ACVR1C: variants seen among roughly 807,000 people sequenced by gnomAD.
ACVR1C encodes the protein activin A receptor type 1C.
Under a neutral mutation model 57.9 loss-of-function variants are expected in ACVR1C, and 23 were observed. The ratio of observed to expected loss-of-function variants is 0.40; its 90% CI spans 0.29 to 0.56. ACVR1C has a LOEUF of 0.56. Ranked by LOEUF, ACVR1C falls within the 20% of genes least tolerant of loss-of-function variation. The pLI, the probability that ACVR1C is intolerant of heterozygous loss-of-function variation, is 0.50. For synonymous variants in ACVR1C, 214 were observed against 215.3 expected (o/e 0.99, Z 0.05); for missense variants, 480 against 607.9 (o/e 0.79, Z 2.21).
chr2:157,547,814 T>G (rs1377486507), intron 4 of ACVR1C, among the ~76,000 whole-genome samples: 3 of 151,872 alleles, frequency 2.0e-5, no homozygotes, highest in Non-Finnish European at 4.4e-5. Flanking sequence ...AAGAAGCTCT[T>G]TAGTTTAATT....
At chr2:157,554,240 A>AAAGAAAGAAAGAAAGAAAGAAAGGAAGG in intron 3 of ACVR1C, among the ~76,000 whole-genome samples, 1 of 135,278 alleles carries the variant, frequency 7.4e-6, no homozygotes, top group South Asian at 2.3e-4. Flanking sequence ...AGAAAGAAAG[A>AAAGAAAGAAAGAAAGAAAGAAAGGAAGG]AAGAAAGAAA....
At chr2:157,600,312 A>G (rs1682252098) in intron 1 of ACVR1C, among the ~76,000 whole-genome samples, 2 of 152,258 alleles carry the variant, frequency 1.3e-5, no homozygotes, top group African/African-American at 2.4e-5. Context: ...AAAGGAGGAC[A>G]TGGCATACTC....
At chr2:157,590,371 T>C (rs1178811769) in intron 1 of ACVR1C, among the ~76,000 whole-genome samples, 1 of 151,852 alleles carries the variant, frequency 6.6e-6, no homozygotes, top group Non-Finnish European at 1.5e-5. Context: ...TAACTTCAAA[T>C]ACCGATATGG....
At position 157,541,185 on chromosome 2, in the gene ACVR1C, G is replaced by A; in HGVS notation, c.1130C>T (p.Thr377Ile). ...RYMAPEMLDD[T>I]MNVNIFESFK... ...GGACTCAAAGATATTCACATTCATT[G>A]TATCATCAAGCATTTCAGGAGCCAT... Residue 377 changes from threonine to isoleucine, a missense_variant, in exon 7 of 9, where the codon ACA (threonine) becomes ATA (isoleucine). Transcript: ENST00000243349. 1 of 1,613,760 alleles carries A rather than the reference G, an allele frequency of 6.2e-7. No individual in the cohort carries two copies. Among genetic ancestry groups the A allele is most frequent in the Non-Finnish European group, 8.5e-7 (1 of 1,179,880 alleles).
At chr2:157,591,546 C>T (rs1689054882) in intron 1 of ACVR1C, among the ~76,000 whole-genome samples, 1 of 152,006 alleles carries the variant, frequency 6.6e-6, no homozygotes, top group African/African-American at 2.4e-5. Context: ...AAACTTGCTG[C>T]ACTATGGTTA....
chr2:157,592,824 C>A (rs944820417), intron 1 of ACVR1C, among the ~76,000 whole-genome samples: 1 of 152,060 alleles, frequency 6.6e-6, no homozygotes, highest in African/African-American at 2.4e-5. Context: ...AATTATACTA[C>A]AATATTCTGT....
chr2:157,618,065 A>G (rs1225264594), intron 1 of ACVR1C, among the ~76,000 whole-genome samples: 1 of 151,896 alleles, frequency 6.6e-6, no homozygotes, highest in African/African-American at 2.4e-5. Context: ...GAAGAGTACT[A>G]AAAGTGATAA....
Position 157,538,682 on chromosome 2 carries a change from A to G in ACVR1C, c.1247T>C (p.Leu416Ser). 1 of 1,539,312 alleles carries G rather than the reference A, an allele frequency of 6.5e-7. No homozygotes were observed. The highest frequency in any genetic ancestry group is 8.7e-7 in the Non-Finnish European group (1 of 1,145,432). ...TGAAGGCACCATGTCATAATAAGGC[A>G]ATTGGTACTCCTCAACAATTCCTGT... is the stretch of plus-strand genomic sequence containing the variant. ...SVGGIVEEYQ[L>S]PYYDMVPSDP... The change falls in exon 8 of 9, where the codon TTG becomes TCG. Residue 416 changes from leucine to serine, a missense_variant. Coordinates refer to ENST00000243349, the MANE Select transcript of ACVR1C (RefSeq NM_145259.3).
intron 4 of ACVR1C, among the ~76,000 whole-genome samples, chr2:157,548,334 GTGAAAA>G (rs1204635012): frequency 7.1e-6 from 1 of 140,856 alleles, no homozygotes. Flanking sequence ...AATCAATATC[GTGAAAA>G]TGGCCATACT....
intron 7 of ACVR1C, 28 bp from the exon 8 acceptor site, chr2:157,538,731 C>T: frequency 3.5e-6 from 5 of 1,444,908 alleles, no homozygotes; most frequent in South Asian, 1.7e-5. Flanking sequence ...AATAAATTTC[C>T]ATGTGCAAAT....
chr2:157,566,178 TAAATC>T (rs1357895866), intron 2 of ACVR1C, among the ~76,000 whole-genome samples: 1 of 152,206 alleles, frequency 6.6e-6, no homozygotes, highest in Non-Finnish European at 1.5e-5. Context: ...CTTTTTTTCT[TAAATC>T]AACCCTTTAC....
rs1214235951 is a variant in ACVR1C at position 157,542,872 on chromosome 2, AAAG to A, written c.944-13_944-11del. ...GCAATAGCAGGTTTACCTATGAAGC[AAAG>A]AAGAACATATTCATTTTTTTCTTTA... is the stretch of plus-strand genomic sequence containing the variant. On this transcript the variant is annotated splice_polypyrimidine_tract_variant and intron_variant, in intron 5 of 8. Coordinates refer to ENST00000243349, the MANE Select transcript of ACVR1C (RefSeq NM_145259.3). The A allele has an allele frequency of 1.9e-6, 3 of 1,612,590 alleles. No individual in the cohort carries two copies. The highest frequency in any genetic ancestry group is 2.5e-6 in the Non-Finnish European group (3 of 1,179,372).
intron 7 of ACVR1C, among the ~76,000 whole-genome samples, chr2:157,539,961 T>A (rs1306188249): frequency 6.6e-6 from 1 of 152,204 alleles, no homozygotes; most frequent in Non-Finnish European, 1.5e-5. Flanking sequence ...CAAGGTTTTT[T>A]AAAAAATGAG....
intron 1 of ACVR1C, among the ~76,000 whole-genome samples, chr2:157,606,525 T>G (rs1339507184): frequency 6.6e-6 from 1 of 151,996 alleles, no homozygotes; most frequent in African/African-American, 2.4e-5. Context: ...CTCATGGTGG[T>G]TTTGATTTGC....
chr2:157,619,358 T>A (rs1682716746), intron 1 of ACVR1C, among the ~76,000 whole-genome samples: 1 of 151,948 alleles, frequency 6.6e-6, no homozygotes, highest in Non-Finnish European at 1.5e-5. Flanking sequence ...TAACTCAGTA[T>A]AAATAAAAAC....
intron 3 of ACVR1C, 40 bp downstream of exon 3, chr2:157,556,053 G>A (rs1257115821): frequency 5.7e-6 from 9 of 1,575,272 alleles, no homozygotes; most frequent in Non-Finnish European, 7.7e-6. Flanking sequence ...TTAAATAAAA[G>A]TGTTTTCTTA....
chr2:157,578,428 A>G (rs1688713893), intron 2 of ACVR1C, among the ~76,000 whole-genome samples: 1 of 152,202 alleles, frequency 6.6e-6, no homozygotes, highest in African/African-American at 2.4e-5. Flanking sequence ...CCAGTATGTC[A>G]TTATTACACT....
chr2:157,624,183 T>C (rs1682848141), intron 1 of ACVR1C, among the ~76,000 whole-genome samples: 1 of 152,168 alleles, frequency 6.6e-6, no homozygotes, highest in Non-Finnish European at 1.5e-5. Flanking sequence ...CTAAACAGCT[T>C]CAGGATGATA....
intron 1 of ACVR1C, among the ~76,000 whole-genome samples, chr2:157,590,711 A>G (rs1351404201): frequency 6.6e-6 from 1 of 152,002 alleles, no homozygotes; most frequent in South Asian, 2.1e-4. Context: ...ATAGAGCCAT[A>G]TAGATAAAAT....
Sources: gnomAD v4.1 joint callset for allele counts (sites outside exome capture counted in the v4.1 genomes callset) on GRCh38, gnomAD v4.1.1 for gene constraint, MANE v1.5 for transcripts, NCBI Gene and HGNC (gene_info 2026-07-23, HGNC 2026-07-21) for gene names.